Variants in MED13 observed in about 807,000 individuals in gnomAD.
MED13 encodes the protein mediator of RNA polymerase II transcription subunit 13.
In MED13, 23 loss-of-function variants were observed where a neutral mutation model predicts 225.2. The ratio of observed to expected loss-of-function variants is 0.10; its 90% confidence interval spans 0.07 to 0.14. MED13 has a LOEUF of 0.14. Among genes scored for constraint, MED13 ranks in the 10% least tolerant of loss-of-function variants. The probability of loss-of-function intolerance (pLI) is 1.00; values close to 1 mark genes in which losing one functional copy is unlikely to be tolerated. For synonymous variants in MED13, 942 were observed against 889.2 expected (o/e 1.06, Z -1.06); for missense variants, 2,197 against 2,594.5 (o/e 0.85, Z 3.33).
At chr17:61,947,263 C>A (rs1440049138) in intron 28 of MED13, among the ~76,000 whole-genome samples, 1 of 151,090 alleles carries the variant, frequency 6.6e-6, no homozygotes, top group Non-Finnish European at 1.5e-5. Context: ...GAACTCCTGG[C>A]CTCAAACAAT....
intron 8 of MED13, among the ~76,000 whole-genome samples, chr17:62,014,331 T>TATATATATATATATATATATATATA (rs1567978300): frequency 6.7e-6 from 1 of 149,400 alleles, no homozygotes; most frequent in African/African-American, 2.5e-5. Context: ...TATATATATA[T>TATATATATATATATATATATATATA]TTTGAGACAC....
rs1603410914 is a variant in MED13, at chr17:62,062,884, T to C, written c.301+183A>G. Among the ~76,000 whole-genome samples, 3 of 152,252 alleles carry C rather than the reference T, an allele frequency of 2.0e-5. No individual in the cohort carries two copies. The South Asian group carries it at 6.2e-4, about 32-fold the overall frequency. ...CATTCACGCCTTAAAAACCCAGCTA[T>C]AACAACATGGATAATTTAAGTAAAA... On this transcript the variant is annotated intron_variant, in intron 2 of 29. Transcript: ENST00000397786.
intron 3 of MED13, among the ~76,000 whole-genome samples, chr17:62,051,514 A>G (rs199767756): frequency 1.3e-5 from 2 of 152,234 alleles, no homozygotes; most frequent in East Asian, 3.8e-4. Context: ...CTGAACTTAC[A>G]CAAGTATTTT....
At chr17:62,064,998 G>A (rs906335567) in intron 1 of MED13, 142 bp downstream of exon 1, 4 of 618,936 alleles carry the variant, frequency 6.5e-6, no homozygotes, top group Admixed American at 4.4e-5. Context: ...GGGGCTGGCC[G>A]CGGAGCTTCG....
intron 3 of MED13, among the ~76,000 whole-genome samples, chr17:62,047,272 A>G (rs896147118): frequency 4.6e-5 from 7 of 152,038 alleles, no homozygotes; most frequent in African/African-American, 1.7e-4. Context: ...TCGGGAGGCT[A>G]AGGCAGGAGA....
intron 28 of MED13, among the ~76,000 whole-genome samples, chr17:61,950,233 T>C (rs756072385): frequency 2.6e-5 from 4 of 152,090 alleles, no homozygotes; most frequent in Non-Finnish European, 5.9e-5. Context: ...TTGAAACAGA[T>C]TGAGCATCTC....
chr17:61,953,177 A>G, intron 26 of MED13, 64 bp from the exon 27 acceptor site: 1 of 1,500,072 alleles, frequency 6.7e-7, no homozygotes, highest in Non-Finnish European at 9.0e-7. Flanking sequence ...CATTCACAGG[A>G]AAGGGTCAAA....
chr17:61,989,062 A>C (rs2143489940), intron 11 of MED13, among the ~76,000 whole-genome samples: 1 of 147,950 alleles, frequency 6.8e-6, no homozygotes, highest in Admixed American at 6.8e-5. Flanking sequence ...CCCAGGCTGG[A>C]GTGCAGTGGC....
At position 61,961,596 on chromosome 17, in the gene MED13, T is replaced by C. The variant is rs778912049; in HGVS notation, c.5248A>G (p.Ser1750Gly). 6.3e-5 allele frequency: 101 copies of C among 1,612,496 alleles called. No homozygotes were observed. Among genetic ancestry groups the C allele is most frequent in the Non-Finnish European group, 8.4e-5 (99 of 1,179,484 alleles). Residue 1750 changes from serine (S) to glycine (G), a missense_variant, in exon 22 of 30, where the codon AGT becomes GGT. Physicochemically the swap from Ser to Gly is moderately conservative, Grantham distance 56. Coordinates refer to ENST00000397786, the MANE Select transcript of MED13 (RefSeq NM_005121.3). Reference sequence around the variant, plus strand: ...GAAAAACATATACTTACATCAGGACTTCTAAGGGCAGTTTCCATGGCTAAA... The same window carrying C: ...GAAAAACATATACTTACATCAGGACCTCTAAGGGCAGTTTCCATGGCTAAA... ...PGLAMETALR[S>G]PDRPECIRLY... is the part of the protein sequence containing the mutation.
Position 61,972,829 on chromosome 17 carries a change from G to C in MED13, c.3865C>G (p.Leu1289Val). Residue 1289 changes from leucine to valine, a missense_variant, in exon 17 of 30, where the codon CTT (leucine) becomes GTT (valine). Physicochemically the swap from Leu to Val is conservative, Grantham distance 32 (BLOSUM62 1). Coordinates refer to ENST00000397786, the MANE Select transcript of MED13 (RefSeq NM_005121.3). Reference sequence around the variant, plus strand: ...CTTTTTTTCTGAATGGCATCCTGAAGAACTGGCTGAAGAGAGAGGAGCATT... The same window carrying C: ...CTTTTTTTCTGAATGGCATCCTGAACAACTGGCTGAAGAGAGAGGAGCATT... ...LRMLLSLQPV[L>V]QDAIQKKRTV... The C allele has an allele frequency of 6.2e-7, 1 of 1,613,876 alleles. No homozygotes were observed. The highest frequency in any genetic ancestry group is 8.5e-7 in the Non-Finnish European group (1 of 1,179,936).
intron 3 of MED13, among the ~76,000 whole-genome samples, chr17:62,047,682 G>C (rs1372759246): frequency 6.6e-6 from 1 of 151,754 alleles, no homozygotes; most frequent in East Asian, 1.9e-4. Flanking sequence ...TAACAAACCT[G>C]CACGTTCTGC....
intron 2 of MED13, among the ~76,000 whole-genome samples, chr17:62,058,520 C>CAAAAAAA (rs751957495): frequency 1.1e-4 from 6 of 53,376 alleles, no homozygotes; most frequent in African/African-American, 4.6e-4. Context: ...GACTTCATCT[C>CAAAAAAA]AAAAAAAAAA....
chr17:62,014,314 A>T (rs2080541537), intron 8 of MED13, among the ~76,000 whole-genome samples: 1 of 149,580 alleles, frequency 6.7e-6, no homozygotes, highest in South Asian at 2.1e-4. Context: ...ATGTTTTTAT[A>T]TATATATATA....
At chr17:61,975,279 T>C (rs996393226) in intron 16 of MED13, among the ~76,000 whole-genome samples, 16 of 152,116 alleles carry the variant, frequency 1.1e-4, no homozygotes, top group Admixed American at 9.2e-4. Context: ...AACCTAATTT[T>C]AAAAACGGGC....
chr17:61,961,519 C>CAA (rs56723756), intron 22 of MED13, 69 bp downstream of exon 22: 8,257 of 724,904 alleles, frequency 0.011, 1 homozygote, highest in Non-Finnish European at 0.013. Flanking sequence ...GGCTCCATCT[C>CAA]AAAAAAAAAA....
chr17:62,007,520 G>A (rs2080461444), intron 9 of MED13: 1 of 152,070 alleles, frequency 6.6e-6, no homozygotes, highest in Non-Finnish European at 1.5e-5. Flanking sequence ...AAGAAATAGA[G>A]AATTTCCAAA....
chr17:62,034,637 T>C (rs953631255), intron 4 of MED13, among the ~76,000 whole-genome samples: 1 of 152,030 alleles, frequency 6.6e-6, no homozygotes, highest in East Asian at 1.9e-4. Context: ...TATAGATATA[T>C]AAATCTAAAT....
At chr17:62,039,226 A>C (rs534646139) in intron 3 of MED13, among the ~76,000 whole-genome samples, 223 of 152,306 alleles carry the variant, frequency 1.5e-3, no homozygotes, top group African/African-American at 5.2e-3. Flanking sequence ...GTCTGATCTT[A>C]TTGTAACATT....
At chr17:61,961,890 A>C in intron 21 of MED13, 111 bp from the exon 22 acceptor site, 1 of 1,010,872 alleles carries the variant, frequency 9.9e-7, no homozygotes, top group Non-Finnish European at 1.5e-6. Flanking sequence ...ACAAAACCTA[A>C]TTTAAATGAA....
Sources: allele counts gnomAD v4.1 joint callset (sites outside exome capture counted in the v4.1 genomes callset), GRCh38; gene constraint gnomAD v4.1.1; transcripts MANE v1.5; gene names NCBI Gene and HGNC (gene_info 2026-07-23, HGNC 2026-07-21).